ATG7: variants seen among roughly 807,000 people sequenced by gnomAD.
ATG7 encodes ubiquitin-like modifier-activating enzyme ATG7.
In ATG7, 70 loss-of-function variants were observed where a neutral mutation model predicts 82.4. The observed-to-expected ratio is 0.85, with a 90% confidence interval of 0.70 to 1.04. The LOEUF (loss-of-function observed/expected upper bound fraction) is 1.04. ATG7 is among the 50% of genes least tolerant of loss of function. The probability of loss-of-function intolerance (pLI) is 0.00; values close to 1 mark genes in which losing one functional copy is unlikely to be tolerated. For synonymous variants in ATG7, 287 were observed against 313.0 expected (o/e 0.92, Z 0.88); for missense variants, 792 against 864.3 (o/e 0.92, Z 1.05).
chr3:11,498,431 CT>C (rs2091029957), intron 20 of ATG7, among the ~76,000 whole-genome samples: 1 of 152,148 alleles, frequency 6.6e-6, no homozygotes, highest in Non-Finnish European at 1.5e-5. Flanking sequence ...TGGTGAATGG[CT>C]TTTTTCAGGT....
intron 20 of ATG7, among the ~76,000 whole-genome samples, chr3:11,433,289 TAAAAAAAAAAAA>T (rs56859088): frequency 1.6e-4 from 13 of 83,802 alleles, no homozygotes; most frequent in African/African-American, 9.1e-5. Flanking sequence ...GTCTCTTATT[TAAAAAAAAAAAA>T]AAAAAAAAAA....
intron 14 of ATG7, among the ~76,000 whole-genome samples, chr3:11,350,672 G>T (rs919006925): frequency 1.3e-5 from 2 of 152,130 alleles, no homozygotes; most frequent in African/African-American, 4.8e-5. Flanking sequence ...ACAGGACCAA[G>T]CCCAAAGTCA....
At chr3:11,566,216 A>ACACACACGCACAC in the ATG7 span, among the ~76,000 whole-genome samples, 12 of 151,950 alleles carry the variant, frequency 7.9e-5, no homozygotes, top group Non-Finnish European at 1.5e-4. Flanking sequence ...ACTGAATGTT[A>ACACACACGCACAC]CACACACGCA....
intron 9 of ATG7, among the ~76,000 whole-genome samples, chr3:11,329,624 C>T (rs929269154): frequency 3.9e-5 from 6 of 152,236 alleles, no homozygotes; most frequent in African/African-American, 1.4e-4. Context: ...TCCATATGCT[C>T]TTTGTCTTCC....
intron 20 of ATG7, among the ~76,000 whole-genome samples, chr3:11,470,558 T>C (rs897542625): frequency 1.3e-5 from 2 of 152,216 alleles, no homozygotes; most frequent in African/African-American, 4.8e-5. Context: ...TGCCAGGCTA[T>C]GTGCAGGGTG....
intron 20 of ATG7, among the ~76,000 whole-genome samples, chr3:11,488,647 T>TCCGGCGCCGC (rs2090025126): frequency 2.6e-5 from 4 of 152,082 alleles, no homozygotes; most frequent in South Asian, 2.1e-4. Flanking sequence ...TCCGGCGCCG[T>TCCGGCGCCGC]GACCTCCTCT....
chr3:11,573,247 GAAAGAAAGAAAGAA>G, the ATG7 span, among the ~76,000 whole-genome samples: 26 of 47,794 alleles, frequency 5.4e-4, 3 homozygotes, highest in East Asian at 1.2e-3. Flanking sequence ...AAGAAATAGA[GAAAGAAAGAAAGAA>G]AGAAAGAAAG....
At chr3:11,460,621 C>A (rs538236871) in intron 20 of ATG7, among the ~76,000 whole-genome samples, 20 of 152,326 alleles carry the variant, frequency 1.3e-4, no homozygotes, top group African/African-American at 4.3e-4. Context: ...TCACAGAATT[C>A]ATTCCATAAA....
rs1952445114 is a variant in ATG7 at position 11,336,141 on chromosome 3, C to G, written c.889+3048C>G. On this transcript the variant is annotated intron_variant, in intron 11 of 20. Transcript: ENST00000693202. ...TGCAATCCTGGGTTCAAAAGCAATT[C>G]TTCTGCCTCAGCCTCCTGAGTAGCT... Among the ~76,000 whole-genome samples, 5 of 146,586 alleles carry G rather than the reference C, an allele frequency of 3.4e-5. 1 individual carries two copies. The South Asian group carries it at 1.1e-3, about 33-fold the overall frequency.
In ATG7 at chr3:11,476,549, G is replaced by C. The variant is rs2153024973; in HGVS notation, c.2079+49623G>C. ...CAGAGATAGAGTCCTGGCCTGAAAAGTGAGTACAAAAAATAAATAGGGACA... is the reference window on the plus strand; with the variant it reads ...CAGAGATAGAGTCCTGGCCTGAAAACTGAGTACAAAAAATAAATAGGGACA... On this transcript the variant is annotated intron_variant, in intron 20 of 20. Transcript: ENST00000693202. Among the ~76,000 whole-genome samples, 5 of 151,620 alleles carry C rather than the reference G, an allele frequency of 3.3e-5. No individual in the cohort carries two copies. In the Middle Eastern group the frequency reaches 0.017, roughly 516 times the overall value.
intron 14 of ATG7, among the ~76,000 whole-genome samples, chr3:11,356,497 G>A (rs2075943266): frequency 6.6e-6 from 1 of 152,120 alleles, no homozygotes; most frequent in Non-Finnish European, 1.5e-5. Context: ...TCTTGGGTGT[G>A]GACATAACTG....
downstream of ATG7, chr3:11,559,411 G>C (rs748637911): frequency 6.4e-7 from 1 of 1,563,400 alleles, no homozygotes; most frequent in Non-Finnish European, 8.7e-7. Flanking sequence ...AGAGGTTGCA[G>C]TTGCGGGCGC....
At chr3:11,376,015 C>T (rs1242608855) in intron 18 of ATG7, among the ~76,000 whole-genome samples, 3 of 152,146 alleles carry the variant, frequency 2.0e-5, no homozygotes, top group Non-Finnish European at 4.4e-5. Flanking sequence ...TATAGCAACA[C>T]AATTGAATAT....
At chr3:11,332,287 T>C (rs1951764604) in intron 10 of ATG7, among the ~76,000 whole-genome samples, 1 of 152,196 alleles carries the variant, frequency 6.6e-6, no homozygotes, top group Admixed American at 6.5e-5. Flanking sequence ...CCTAAAATAA[T>C]ACATACTCCA....
intron 20 of ATG7, among the ~76,000 whole-genome samples, chr3:11,526,307 C>T (rs1043672622): frequency 6.6e-6 from 1 of 152,134 alleles, no homozygotes; most frequent in South Asian, 2.1e-4. Flanking sequence ...AAGAGAGTCA[C>T]TTGAGCCCAG....
chr3:11,514,840 GTTT>G (rs751529129), intron 20 of ATG7, among the ~76,000 whole-genome samples: 3 of 139,900 alleles, frequency 2.1e-5, no homozygotes, highest in Admixed American at 7.3e-5. Context: ...TCTGGTCTAG[GTTT>G]TTTTTTTTTT....
At chr3:11,501,548 TAG>T (rs756241860) in intron 20 of ATG7, among the ~76,000 whole-genome samples, 127,418 of 152,098 alleles carry the variant, frequency 0.84, 53,547 homozygotes, top group East Asian at 1. Flanking sequence ...ATGATATTAA[TAG>T]ATAGGTGTGA....
chr3:11,479,094 A>G (rs1327701840), intron 20 of ATG7, among the ~76,000 whole-genome samples: 1 of 151,308 alleles, frequency 6.6e-6, no homozygotes, highest in African/African-American at 2.4e-5. Flanking sequence ...TGGGAATCTA[A>G]TCTTCTCAAT....
At chr3:11,341,208 C>T (rs866725767) in intron 12 of ATG7, among the ~76,000 whole-genome samples, 6 of 151,594 alleles carry the variant, frequency 4.0e-5, no homozygotes, top group South Asian at 2.1e-4. Context: ...ATTACAGGCA[C>T]GCGCCACCAT....
Sources: gnomAD v4.1 joint callset for allele counts (sites outside exome capture counted in the v4.1 genomes callset) on GRCh38, gnomAD v4.1.1 for gene constraint, MANE v1.5 for transcripts, NCBI Gene and HGNC (gene_info 2026-07-23, HGNC 2026-07-21) for gene names.